Variants in POTEC observed in about 807,000 individuals in gnomAD.
POTEC encodes the protein POTE ankyrin domain family member C, also known as ANKRD26-like family B member 2.
In POTEC, 35 loss-of-function variants were observed where a neutral mutation model predicts 62.0. The ratio of observed to expected loss-of-function variants is 0.56; its 90% CI spans 0.43 to 0.75. POTEC has a LOEUF of 0.75. Ranked by LOEUF, POTEC falls within the 30% of genes least tolerant of loss-of-function variation. The probability of loss-of-function intolerance (pLI) is 0.00; values close to 1 mark genes in which losing one functional copy is unlikely to be tolerated. For synonymous variants in POTEC, 156 were observed against 221.5 expected (o/e 0.70, Z 2.62); for missense variants, 472 against 655.9 (o/e 0.72, Z 3.06).
chr18:14,527,057 T>C (rs999168687), intron 6 of POTEC, among the ~76,000 whole-genome samples: 1 of 152,120 alleles, frequency 6.6e-6, no homozygotes, highest in African/African-American at 2.4e-5. Flanking sequence ...AGTTATAGTG[T>C]ATATGAATAT....
At chr18:14,524,063 G>T (rs1034847945) in intron 7 of POTEC, among the ~76,000 whole-genome samples, 1 of 152,070 alleles carries the variant, frequency 6.6e-6, no homozygotes. Context: ...AATTTTAATT[G>T]AAATTATATG....
rs189697415 is a variant in POTEC at position 14,520,850 on chromosome 18, T to C, written c.1409+1404A>G. On this transcript the variant is annotated intron_variant, in intron 9 of 10. Coordinates refer to ENST00000358970, the MANE Select transcript of POTEC (RefSeq NM_001137671.2). ...ATTAGCTGGGTGTGATGTTGCACAC[T>C]TGGGGTCCTAGCCAGTAGAAAGGCT... Among the ~76,000 whole-genome samples the C allele has an allele frequency of 2.0e-3, 311 of 152,226 alleles. 2 individuals are homozygous for C. The highest frequency in any genetic ancestry group is 7.1e-3 in the African/African-American group (294 of 41,552).
chr18:14,541,679 G>C (rs1458132133), intron 1 of POTEC, among the ~76,000 whole-genome samples: 2 of 151,984 alleles, frequency 1.3e-5, no homozygotes, highest in Non-Finnish European at 2.9e-5. Flanking sequence ...ATAGGCATTT[G>C]TGTTTTCTTC....
chr18:14,529,122 C>A, intron 6 of POTEC: 1 of 411,832 alleles, frequency 2.4e-6, no homozygotes, highest in East Asian at 7.1e-5. Context: ...TTCCTCATCA[C>A]ATATGTCTGG....
chr18:14,516,183 A>T (rs1910145913), intron 9 of POTEC, among the ~76,000 whole-genome samples: 1 of 149,240 alleles, frequency 6.7e-6, no homozygotes, highest in South Asian at 2.1e-4. Flanking sequence ...AAACAAAAGA[A>T]ATCATACTCT....
At chr18:14,512,952 G>A (rs1910047100) in intron 10 of POTEC, among the ~76,000 whole-genome samples, 1 of 152,070 alleles carries the variant, frequency 6.6e-6, no homozygotes, top group Non-Finnish European at 1.5e-5. Flanking sequence ...TAACTTACAA[G>A]GCTTTTCTTA....
intron 9 of POTEC, among the ~76,000 whole-genome samples, chr18:14,516,322 A>T: frequency 1.4e-5 from 1 of 73,132 alleles, no homozygotes; most frequent in Non-Finnish European, 2.5e-5. Flanking sequence ...ATATATATAT[A>T]TATATATATA....
intron 6 of POTEC, among the ~76,000 whole-genome samples, chr18:14,527,280 G>T (rs1910460633): frequency 1.3e-5 from 2 of 152,050 alleles, no homozygotes. Flanking sequence ...ATGTTGCTTT[G>T]TTTAAAGGAA....
intron 5 of POTEC, among the ~76,000 whole-genome samples, chr18:14,532,261 G>C (rs143696373): frequency 0.068 from 10,320 of 152,176 alleles, 371 homozygotes; most frequent in Middle Eastern, 0.12. Context: ...TCTTGGCTAA[G>C]ATGTGGGTTC....
chr18:14,527,430 G>A (rs920196098), intron 6 of POTEC, among the ~76,000 whole-genome samples: 1 of 152,092 alleles, frequency 6.6e-6, no homozygotes, highest in Non-Finnish European at 1.5e-5. Context: ...CTCTAGGACT[G>A]ACTTTGCTGT....
chr18:14,538,043 C>T, intron 2 of POTEC, 69 bp from the exon 3 acceptor site: 1 of 1,588,488 alleles, frequency 6.3e-7, no homozygotes, highest in Non-Finnish European at 8.5e-7. Context: ...ACAGCTTTCA[C>T]CAACTAGTTA....
intron 5 of POTEC, among the ~76,000 whole-genome samples, chr18:14,530,920 T>G (rs1908452278): frequency 6.6e-6 from 1 of 152,126 alleles, no homozygotes; most frequent in East Asian, 1.9e-4. Context: ...AGTGAGGACT[T>G]TGCTGCCTTA....
chr18:14,539,355 T>C (rs1905856172), intron 1 of POTEC, among the ~76,000 whole-genome samples: 1 of 151,626 alleles, frequency 6.6e-6, no homozygotes, highest in Non-Finnish European at 1.5e-5. Flanking sequence ...GGGTTGGTTG[T>C]ACAGATTATT....
Position 14,515,425 on chromosome 18 carries a change from T to C in POTEC, c.1410-1640A>G, listed in dbSNP as rs1336034435. ...CAACCAAATGATCTCTGAGAAAGGA[T>C]ACAAAAACATACACTGGAGAAAGTA... On this transcript the variant is annotated intron_variant, in intron 9 of 10. Coordinates refer to ENST00000358970, the MANE Select transcript of POTEC (RefSeq NM_001137671.2). 2.6e-5 allele frequency among the ~76,000 whole-genome samples: 4 copies of C among 152,062 alleles called. No individual in the cohort carries two copies. The East Asian group carries it at 7.7e-4, about 29-fold the overall frequency.
Position 14,543,314 on chromosome 18 carries a change from G to A in POTEC, c.-168C>T, listed in dbSNP as rs573119476. ...AGGGAGCCCAGTCCACCCCACCCAG[G>A]GAAAACCCACACCCACCCGGGGAAA... On this transcript the variant is annotated 5_prime_UTR_variant, in exon 1 of 11. Coordinates refer to ENST00000358970, the MANE Select transcript of POTEC (RefSeq NM_001137671.2). 3.2e-6 allele frequency: 4 copies of A among 1,263,084 alleles called. No homozygotes were observed. In the African/African-American group the frequency reaches 4.6e-5, roughly 15 times the overall value. 78.2% of individuals were successfully genotyped at this position (1,263,084 alleles called of 1,614,324 possible).
intron 9 of POTEC, among the ~76,000 whole-genome samples, chr18:14,517,561 TTTA>T (rs76020864): frequency 1.6e-3 from 70 of 43,128 alleles, no homozygotes; most frequent in East Asian, 5.3e-3. Context: ...TTTTTTTTTT[TTTA>T]AAATAAAATA....
rs1460347030 is a variant in POTEC at position 14,512,685 on chromosome 18, C to T, written c.1534-692G>A. On this transcript the variant is annotated intron_variant, in intron 10 of 10. Transcript: ENST00000358970. ...CTTCAGGAGGCTGAGGCAGGAGAAT[C>T]GTGTGTACCTGGGAGGCAGAGGTTG... Among the ~76,000 whole-genome samples the T allele has an allele frequency of 2.0e-5, 3 of 152,124 alleles. No homozygotes were observed. In the East Asian group the frequency reaches 5.8e-4, roughly 29 times the overall value.
intron 7 of POTEC, among the ~76,000 whole-genome samples, 161 bp downstream of exon 7, chr18:14,524,752 A>G (rs903677781): frequency 2.0e-5 from 3 of 151,548 alleles, no homozygotes; most frequent in African/African-American, 7.3e-5. Context: ...TGCTGAATTT[A>G]TTAAAATAAA....
At chr18:14,514,561 G>A (rs1348132664) in intron 9 of POTEC, among the ~76,000 whole-genome samples, 1 of 152,110 alleles carries the variant, frequency 6.6e-6, no homozygotes, top group African/African-American at 2.4e-5. Flanking sequence ...AACAAGACAG[G>A]GTCTAATATT....
Sources: gnomAD v4.1 joint callset for allele counts (sites outside exome capture counted in the v4.1 genomes callset) on GRCh38, gnomAD v4.1.1 for gene constraint, MANE v1.5 for transcripts, NCBI Gene and HGNC (gene_info 2026-07-23, HGNC 2026-07-21) for gene names.